Variants in TMEM223 observed in about 807,000 individuals in gnomAD.
TMEM223 encodes transmembrane protein 223.
Under a neutral mutation model 14.1 loss-of-function variants are expected in TMEM223, and 14 were observed. The observed-to-expected ratio is 0.99, with a 90% CI of 0.66 to 1.55. The LOEUF (loss-of-function observed/expected upper bound fraction) is 1.55, where lower values mean the gene tolerates loss of function less well. Ranked by LOEUF, TMEM223 falls within the 40% of genes most tolerant of loss-of-function variation. The pLI, the probability that TMEM223 is intolerant of heterozygous loss-of-function variation, is 0.00. For synonymous variants in TMEM223, 145 were observed against 120.5 expected (o/e 1.20, Z -1.33); for missense variants, 346 against 269.9 (o/e 1.28, Z -1.97).
chr11:62,782,777 C>T (rs1030190670), downstream of TMEM223: 1 of 1,613,490 alleles, frequency 6.2e-7, no homozygotes, highest in African/African-American at 1.3e-5. Context: ...TGCGGCCGCT[C>T]TGCTGCCACT....
intron 1 of TMEM223, chr11:62,775,933 A>C: frequency 6.2e-7 from 1 of 1,603,770 alleles, no homozygotes; most frequent in Non-Finnish European, 8.5e-7. Flanking sequence ...CCACGCAGGT[A>C]CACTCCCCTC....
exon 2 of TMEM223, chr11:62,774,658 G>A (rs2134698437): frequency 2.2e-6 from 1 of 455,100 alleles, no homozygotes; most frequent in East Asian, 7.0e-5. Context: ...TTCTTATTGT[G>A]CTATACCCTG....
rs1340391987 is a variant in TMEM223, at chr11:62,791,665, A to G, written c.316+14T>C. ...CCCCACGTTGTCACAGTGGGAAGCC[A>G]GCCCACGTCTTACCGATGGCGCCGC... On this transcript the variant is annotated intron_variant, in intron 1 of 1. Transcript: ENST00000307366. 2.0e-6 allele frequency: 3 copies of G among 1,515,932 alleles called. No homozygotes were observed. In the Admixed American group the frequency reaches 6.1e-5, roughly 31 times the overall value. The allele number at this position is 1,515,932 out of a possible 1,614,324, so 93.9% of individuals were successfully genotyped here.
chr11:62,784,674 T>A (rs1022071319), downstream of TMEM223, among the ~76,000 whole-genome samples: 1 of 152,210 alleles, frequency 6.6e-6, no homozygotes, highest in Non-Finnish European at 1.5e-5. Flanking sequence ...TCTTTTGAAA[T>A]GATCCGAAGG....
chr11:62,787,374 T>G, downstream of TMEM223: 5 of 1,547,360 alleles, frequency 3.2e-6, no homozygotes, highest in South Asian at 5.9e-5. Flanking sequence ...TCGCGCCGGA[T>G]AAGGTGGGCT....
chr11:62,787,395 T>C, downstream of TMEM223: 1 of 1,555,938 alleles, frequency 6.4e-7, no homozygotes, highest in Non-Finnish European at 8.6e-7. Context: ...TTGGGCGGGG[T>C]GCTGCTGCAG....
At chr11:62,789,123 T>C (rs763663903), downstream of TMEM223, 1 of 1,614,208 alleles carries the variant, frequency 6.2e-7, no homozygotes, top group South Asian at 1.1e-5. Context: ...TGCTACTTTG[T>C]AGCTGGGGCC....
chr11:62,791,914 G>C lies in TMEM223; in HGVS notation c.81C>G (p.Gly27=). 1 of 1,600,364 alleles carries C rather than the reference G, an allele frequency of 6.2e-7. No individual in the cohort carries two copies. Among genetic ancestry groups the C allele is most frequent in the Non-Finnish European group, 8.5e-7 (1 of 1,174,054 alleles). Residue 27 remains glycine (G), a synonymous_variant, in exon 1 of 2, where the codon GGC becomes GGG. Transcript: ENST00000307366. ...RPLLTCRPLQ[G]TTLQRDVLLF... Reference sequence around the variant, plus strand: ...GCAGCACATCCCGTTGCAGCGTCGTGCCTTGCAGGGGCCGGCAGGTGAGCA... The same window carrying C: ...GCAGCACATCCCGTTGCAGCGTCGTCCCTTGCAGGGGCCGGCAGGTGAGCA...
chr11:62,787,595 C>A (rs934304250), downstream of TMEM223: 2 of 1,440,024 alleles, frequency 1.4e-6, no homozygotes, highest in Admixed American at 5.4e-5. Flanking sequence ...AGGCCACTTT[C>A]GCTTTCCGAC....
intron 1 of TMEM223, chr11:62,775,918 A>T: frequency 6.2e-7 from 1 of 1,611,318 alleles, no homozygotes; most frequent in Non-Finnish European, 8.5e-7. Flanking sequence ...ATCGTCTGAG[A>T]GAGGCCACGC....
downstream of TMEM223, chr11:62,786,751 C>T: frequency 6.2e-7 from 1 of 1,613,134 alleles, no homozygotes; most frequent in Non-Finnish European, 8.5e-7. Flanking sequence ...CGACATCTAC[C>T]GGGAGCTCTA....
At position 62,791,919 on chromosome 11, in the gene TMEM223, G is replaced by T. The variant is rs773276470; in HGVS notation, c.76C>A (p.Gln26Lys). The T allele has an allele frequency of 6.3e-7, 1 of 1,598,404 alleles. No individual in the cohort carries two copies. The highest frequency in any genetic ancestry group is 1.1e-5 in the South Asian group (1 of 88,460). ...LRPLLTCRPL[Q>K]GTTLQRDVLL... is the part of the protein sequence containing the mutation. ...ACATCCCGTTGCAGCGTCGTGCCTTGCAGGGGCCGGCAGGTGAGCAGGGGC... is the reference window on the plus strand; with the variant it reads ...ACATCCCGTTGCAGCGTCGTGCCTTTCAGGGGCCGGCAGGTGAGCAGGGGC... Residue 26 changes from glutamine to lysine, a missense_variant, in exon 1 of 2, where the codon CAA becomes AAA. Gln to Lys is a moderately conservative substitution (Grantham distance 53). Transcript: ENST00000307366.
chr11:62,781,399 C>T (rs765931223), intron 1 of TMEM223, among the ~76,000 whole-genome samples: 22 of 151,754 alleles, frequency 1.4e-4, no homozygotes, highest in Admixed American at 3.9e-4. Context: ...GATGGCCGGG[C>T]GCGGTGGCTC....
chr11:62,776,005 T>G, intron 1 of TMEM223: 1 of 1,506,606 alleles, frequency 6.6e-7, no homozygotes, highest in Non-Finnish European at 8.9e-7. Context: ...CCCTCGCTGA[T>G]TTATTCAAGT....
intron 1 of TMEM223, chr11:62,776,375 C>T: frequency 6.2e-7 from 1 of 1,613,072 alleles, no homozygotes; most frequent in Non-Finnish European, 8.5e-7. Flanking sequence ...TTTGTTCCCT[C>T]CCTCCCAGAA....
intron 1 of TMEM223, chr11:62,778,752 G>A: frequency 4.5e-6 from 4 of 889,446 alleles, no homozygotes; most frequent in Non-Finnish European, 7.4e-6. Flanking sequence ...TGGTTGTCCT[G>A]TCAGAAAGGC....
At chr11:62,782,503 A>G in intron 1 of TMEM223, 1 of 1,051,752 alleles carries the variant, frequency 9.5e-7, no homozygotes, top group Non-Finnish European at 1.4e-6. Context: ...CTGAAAATGG[A>G]TTACAAATAC....
chr11:62,791,572 C>T, intron 1 of TMEM223, 107 bp downstream of exon 1: 1 of 1,331,708 alleles, frequency 7.5e-7, no homozygotes, highest in Admixed American at 2.8e-5. Context: ...GGGTAAAGCC[C>T]GCCCGCCACT....
At chr11:62,790,969 C>T in intron 1 of TMEM223, 54 bp from the exon 2 acceptor site, 2 of 1,462,646 alleles carry the variant, frequency 1.4e-6, no homozygotes, top group Non-Finnish European at 1.8e-6. Flanking sequence ...ATCTAAGTAC[C>T]GACCTTTCCA....
Sources: gnomAD v4.1 joint callset for allele counts (sites outside exome capture counted in the v4.1 genomes callset) on GRCh38, gnomAD v4.1.1 for gene constraint, MANE v1.5 for transcripts, NCBI Gene and HGNC (gene_info 2026-07-23, HGNC 2026-07-21) for gene names.